ZGPAT: variants seen among roughly 807,000 people sequenced by gnomAD.
ZGPAT encodes zinc finger CCCH-type with G patch domain-containing protein.
A neutral mutation model predicts 47.9 loss-of-function variants in ZGPAT; 39 were observed. The ratio of observed to expected loss-of-function variants is 0.81; its 90% confidence interval spans 0.63 to 1.06. The LOEUF is 1.06. ZGPAT is among the 50% of genes least tolerant of loss of function. The probability of loss-of-function intolerance (pLI) is 0.00; values close to 1 mark genes in which losing one functional copy is unlikely to be tolerated. For synonymous variants in ZGPAT, 348 were observed against 292.9 expected, an observed-to-expected ratio of 1.19 and a Z score of -1.92; for missense variants, 717 against 681.4, an observed-to-expected ratio of 1.05 and a Z score of -0.58.
chr20:63,732,361 T>TGTGTGG lies in ZGPAT; in HGVS notation c.585-856_585-855insGTGGGT, dbSNP rs1173693210. Among the ~76,000 whole-genome samples the TGTGTGG allele has an allele frequency of 2.5e-3, 367 of 145,530 alleles. 2 individuals carry two copies. Among genetic ancestry groups the TGTGTGG allele is most frequent in the African/African-American group, 6.2e-3 (237 of 38,210 alleles). On this transcript the variant is annotated intron_variant, in intron 2 of 6. Transcript: ENST00000355969. ...TGTGGGTGAGGTGTGTGTGTGCATG[T>TGTGTGG]GTCAGGGTGTGTGTGCGCGCATGTG... is the stretch of plus-strand genomic sequence containing the variant.
intron 2 of ZGPAT, among the ~76,000 whole-genome samples, chr20:63,727,770 C>T (rs925997365): frequency 1.3e-5 from 2 of 151,114 alleles, no homozygotes. Flanking sequence ...GCTTTGAAGT[C>T]TTTGCTAAAC....
chr20:63,731,812 T>C (rs947706105), intron 2 of ZGPAT, among the ~76,000 whole-genome samples: 4 of 152,140 alleles, frequency 2.6e-5, no homozygotes, highest in African/African-American at 7.2e-5. Flanking sequence ...TTGAAAATAA[T>C]TGGGGAAGAA....
intron 2 of ZGPAT, among the ~76,000 whole-genome samples, chr20:63,732,364 C>CGGTGTGTGTGCGCGCATGTGTGTGGGTG (rs1568799497): frequency 9.0e-4 from 27 of 30,052 alleles, no homozygotes; most frequent in Non-Finnish European, 1.9e-3. Flanking sequence ...GTGCATGTGT[C>CGGTGTGTGTGCGCGCATGTGTGTGGGTG]AGGGTGTGTG....
At chr20:63,720,970 T>C (rs535394901) in intron 2 of ZGPAT, among the ~76,000 whole-genome samples, 1 of 152,312 alleles carries the variant, frequency 6.6e-6, no homozygotes, top group Admixed American at 6.5e-5. Context: ...ATAAAGATTA[T>C]ATTCTGTCAG....
intron 2 of ZGPAT, among the ~76,000 whole-genome samples, chr20:63,715,220 C>T (rs1291948853): frequency 6.6e-6 from 1 of 151,296 alleles, no homozygotes; most frequent in Non-Finnish European, 1.5e-5. Flanking sequence ...GCATGAGCCA[C>T]TTGGCCCTAT....
chr20:63,714,442 A>T (rs2091705164), intron 2 of ZGPAT, among the ~76,000 whole-genome samples: 1 of 151,982 alleles, frequency 6.6e-6, no homozygotes, highest in Admixed American at 6.6e-5. Flanking sequence ...AAAAAAAAAA[A>T]AAAAGTGGCT....
chr20:63,726,538 T>TG (rs2091848027), intron 2 of ZGPAT, among the ~76,000 whole-genome samples: 2 of 150,092 alleles, frequency 1.3e-5, no homozygotes, highest in Admixed American at 1.3e-4. Context: ...TTTGTTTGTT[T>TG]TTGAGATGGA....
At chr20:63,713,011 A>G (rs886427954) in intron 2 of ZGPAT, among the ~76,000 whole-genome samples, 7 of 152,132 alleles carry the variant, frequency 4.6e-5, no homozygotes, top group Non-Finnish European at 7.4e-5. Flanking sequence ...GTACTGTTCA[A>G]GTCTTGCACA....
intron 2 of ZGPAT, among the ~76,000 whole-genome samples, chr20:63,724,559 G>GT (rs996506230): frequency 9.3e-5 from 14 of 151,036 alleles, no homozygotes; most frequent in African/African-American, 3.2e-4. Flanking sequence ...AAGTATACTT[G>GT]TTTTTTTGTA....
chr20:63,732,832 CTGTG>C (rs778997034), intron 2 of ZGPAT, among the ~76,000 whole-genome samples: 9 of 147,834 alleles, frequency 6.1e-5, no homozygotes, highest in South Asian at 4.3e-4. Flanking sequence ...TTGTGTGTGC[CTGTG>C]TGAGTGCATG....
intron 2 of ZGPAT, among the ~76,000 whole-genome samples, 171 bp from the exon 3 acceptor site, chr20:63,733,048 A>G (rs909007719): frequency 5.3e-5 from 8 of 150,290 alleles, no homozygotes; most frequent in East Asian, 2.0e-4. Context: ...GTGTGTGTGT[A>G]TGTGTGCGTG....
At chr20:63,732,512 C>T (rs117223048) in intron 2 of ZGPAT, among the ~76,000 whole-genome samples, 29 of 99,990 alleles carry the variant, frequency 2.9e-4, no homozygotes, top group Non-Finnish European at 4.2e-4. Context: ...GGCACGTGTG[C>T]GCGCGTGTGG....
At chr20:63,714,912 A>T (rs1385463386) in intron 2 of ZGPAT, among the ~76,000 whole-genome samples, 1 of 152,044 alleles carries the variant, frequency 6.6e-6, no homozygotes, top group African/African-American at 2.4e-5. Flanking sequence ...AAGTGCTGAG[A>T]TTACAGGGGT....
intron 4 of ZGPAT, 80 bp from the exon 5 acceptor site, chr20:63,734,625 C>T (rs768729175): frequency 1.3e-5 from 20 of 1,580,264 alleles, no homozygotes; most frequent in Admixed American, 1.1e-4. Context: ...GGGCCACTGC[C>T]CTCTGTCCAT....
chr20:63,725,901 C>T lies in ZGPAT; in HGVS notation c.585-7318C>T, dbSNP rs6011059. On this transcript the variant is annotated intron_variant, in intron 2 of 6. Coordinates refer to ENST00000355969, the MANE Select transcript of ZGPAT (RefSeq NM_181485.3). ...AGGCTGGAGTGCAGTGGCGCGATTTCGGCTCACTGCAACCTCCACCACCTT... is the reference window on the plus strand; with the variant it reads ...AGGCTGGAGTGCAGTGGCGCGATTTTGGCTCACTGCAACCTCCACCACCTT... Among the ~76,000 whole-genome samples the T allele has an allele frequency of 1.7e-4, 25 of 147,636 alleles. 1 individual carries two copies. In the South Asian group the frequency reaches 1.7e-3, roughly 10 times the overall value.
rs771090985 is a variant in ZGPAT, at chr20:63,708,959, G to A, written c.379G>A (p.Glu127Lys). The A allele has an allele frequency of 6.2e-7, 1 of 1,613,434 alleles. No individual in the cohort carries two copies. Among genetic ancestry groups the A allele is most frequent in the East Asian group, 2.2e-5 (1 of 44,878 alleles). ...GQEEEEGEDE[E>K]ELSGTKVSAP... Reference sequence around the variant, plus strand: ...GGAGGAGGAAGAGGGAGAGGACGAGGAAGAGCTGAGTGGGACAAAGGTGAG... The same window carrying A: ...GGAGGAGGAAGAGGGAGAGGACGAGAAAGAGCTGAGTGGGACAAAGGTGAG... Residue 127 changes from glutamate to lysine, a missense_variant, in exon 2 of 7, where the codon GAA (glutamate) becomes AAA (lysine). Physicochemically the swap from Glu to Lys is moderately conservative, Grantham distance 56. Transcript: ENST00000355969.
At chr20:63,716,822 T>C (rs530082544) in intron 2 of ZGPAT, among the ~76,000 whole-genome samples, 29 of 152,156 alleles carry the variant, frequency 1.9e-4, no homozygotes, top group Non-Finnish European at 3.4e-4. Flanking sequence ...GCTGGAACTA[T>C]AGGCGTGCAC....
intron 2 of ZGPAT, among the ~76,000 whole-genome samples, chr20:63,724,320 G>C (rs1294354656): frequency 6.9e-6 from 1 of 144,342 alleles, no homozygotes; most frequent in East Asian, 2.0e-4. Flanking sequence ...GAGCAAGATC[G>C]CACCACTGCA....
chr20:63,728,320 G>A lies in ZGPAT; in HGVS notation c.585-4899G>A, dbSNP rs778064467. ...CAAAGTGCTCGGATTACAGGTGTGA[G>A]CCACCACGCACGGCCTTAAATTCTA... On this transcript the variant is annotated intron_variant, in intron 2 of 6. Coordinates refer to ENST00000355969, the MANE Select transcript of ZGPAT (RefSeq NM_181485.3). Among the ~76,000 whole-genome samples the A allele has an allele frequency of 6.0e-4, 91 of 152,158 alleles. 1 individual carries two copies. Among genetic ancestry groups the A allele is most frequent in the Non-Finnish European group, 2.1e-4 (14 of 68,034 alleles).
Sources: allele counts gnomAD v4.1 joint callset (sites outside exome capture counted in the v4.1 genomes callset), GRCh38; gene constraint gnomAD v4.1.1; transcripts MANE v1.5; gene names NCBI Gene and HGNC (gene_info 2026-07-23, HGNC 2026-07-21).